DOCK2: variants seen among roughly 807,000 people sequenced by gnomAD.
DOCK2 encodes dedicator of cytokinesis 2.
A neutral mutation model predicts 248.9 loss-of-function variants in DOCK2; 87 were observed. The observed-to-expected ratio is 0.35, with a 90% CI of 0.29 to 0.42. The LOEUF is 0.42. DOCK2 is among the 10% of genes least tolerant of loss of function. DOCK2 has a pLI of 1.00. For missense variants in DOCK2, 1,747 were observed against 2,300.2 expected (o/e 0.76, Z 4.92); for synonymous variants, 805 against 821.6 (o/e 0.98, Z 0.35).
intron 27 of DOCK2, among the ~76,000 whole-genome samples, chr5:169,861,432 C>T (rs1224778129): frequency 6.6e-6 from 1 of 152,162 alleles, no homozygotes; most frequent in Non-Finnish European, 1.5e-5. Flanking sequence ...GTATTAAGTT[C>T]CAAGGATAGT....
intron 43 of DOCK2, 53 bp downstream of exon 43, chr5:170,056,821 GAGCATGC>G (rs1757147495): frequency 6.5e-7 from 1 of 1,531,550 alleles, no homozygotes; most frequent in African/African-American, 1.4e-5. Flanking sequence ...GGAGGAACCA[GAGCATGC>G]ATCGGCCAGC....
Position 169,714,105 on chromosome 5 carries a change from G to A in DOCK2, c.1737G>A (p.Gly579=). The change falls in exon 18 of 52, where the codon GGG becomes GGA. Residue 579 remains glycine (G), a synonymous_variant. Transcript: ENST00000520908. ...ATCGACACCATGTGGAAAACAAGGG[G>A]GCCACGCTGAGCAGGAGCTCCAGCA... The part of the protein sequence containing the change: ...PSYRHHVENK[G]ATLSRSSSSV... 1 of 1,613,782 alleles carries A rather than the reference G, an allele frequency of 6.2e-7. No homozygotes were observed. The highest frequency in any genetic ancestry group is 1.1e-5 in the South Asian group (1 of 91,014).
intron 27 of DOCK2, among the ~76,000 whole-genome samples, chr5:169,924,856 G>C (rs555921716): frequency 1.3e-5 from 2 of 152,254 alleles, no homozygotes; most frequent in East Asian, 1.9e-4. Flanking sequence ...TTGAGCTGCA[G>C]TTTTTCAATT....
rs150106853 is a variant in DOCK2, at chr5:169,639,943, C to G, written c.43+2574C>G. On this transcript the variant is annotated intron_variant, in intron 1 of 51. Coordinates refer to ENST00000520908, the MANE Select transcript of DOCK2 (RefSeq NM_004946.3). Reference sequence around the variant, plus strand: ...TCTCACAGTTCTCGAGGCTGGAAGTCTAAGATCAAAGCACCACCAGGGTTG... The same window carrying G: ...TCTCACAGTTCTCGAGGCTGGAAGTGTAAGATCAAAGCACCACCAGGGTTG... Among the ~76,000 whole-genome samples, 4 of 152,350 alleles carry G rather than the reference C, an allele frequency of 2.6e-5. No homozygotes were observed. The East Asian group carries it at 7.7e-4, about 29-fold the overall frequency.
chr5:170,069,085 T>G (rs1757591860), intron 45 of DOCK2, 52 bp from the exon 46 acceptor site: 1 of 1,539,352 alleles, frequency 6.5e-7, no homozygotes, highest in African/African-American at 1.4e-5. Flanking sequence ...AGAGATTGGC[T>G]GTGAAATGCC....
chr5:169,966,241 T>C (rs1017441676), intron 27 of DOCK2, among the ~76,000 whole-genome samples: 4 of 152,120 alleles, frequency 2.6e-5, no homozygotes, highest in African/African-American at 9.7e-5. Flanking sequence ...GGTTGGTTGC[T>C]TCATAACAAA....
chr5:170,062,369 A>G (rs1261432409), intron 44 of DOCK2, among the ~76,000 whole-genome samples: 1 of 152,124 alleles, frequency 6.6e-6, no homozygotes, highest in Admixed American at 6.5e-5. Flanking sequence ...TCATGGATCA[A>G]TTCCCTCTGA....
chr5:169,879,462 T>A (rs917678529), intron 27 of DOCK2, among the ~76,000 whole-genome samples: 3 of 152,214 alleles, frequency 2.0e-5, no homozygotes, highest in African/African-American at 7.2e-5. Context: ...TCCCTTGCAA[T>A]GGCTTAGATA....
chr5:169,929,613 C>T (rs1775644773), intron 27 of DOCK2, among the ~76,000 whole-genome samples: 1 of 151,928 alleles, frequency 6.6e-6, no homozygotes, highest in East Asian at 1.9e-4. Flanking sequence ...TGTGGTGGCA[C>T]ATGCCTGTAG....
chr5:169,774,588 C>T (rs1047347526), intron 25 of DOCK2, among the ~76,000 whole-genome samples: 8 of 152,234 alleles, frequency 5.3e-5, no homozygotes, highest in South Asian at 4.1e-4. Flanking sequence ...CAGGAGCTTA[C>T]GATTGGAGAA....
intron 27 of DOCK2, among the ~76,000 whole-genome samples, chr5:169,928,455 C>A (rs1285367891): frequency 6.6e-6 from 1 of 152,234 alleles, no homozygotes; most frequent in Non-Finnish European, 1.5e-5. Flanking sequence ...TTAGTTCTAC[C>A]AGAGCCAGCC....
At chr5:170,077,921 A>C in intron 48 of DOCK2, 84 bp downstream of exon 48, 1 of 1,145,492 alleles carries the variant, frequency 8.7e-7, no homozygotes, top group Non-Finnish European at 1.3e-6. Context: ...CTCCGGCAAC[A>C]TCCCTTCTAC....
At chr5:169,679,784 G>A (rs1759551228) in intron 6 of DOCK2, among the ~76,000 whole-genome samples, 1 of 152,198 alleles carries the variant, frequency 6.6e-6, no homozygotes, top group African/African-American at 2.4e-5. Context: ...GGACAAATGG[G>A]TGAACCTTGG....
chr5:169,793,380 G>A (rs1320090479), intron 25 of DOCK2, among the ~76,000 whole-genome samples: 1 of 152,154 alleles, frequency 6.6e-6, no homozygotes, highest in Non-Finnish European at 1.5e-5. Context: ...TAAGGAAGCA[G>A]GATAGTTTAA....
intron 1 of DOCK2, among the ~76,000 whole-genome samples, chr5:169,649,923 T>TC (rs1757707110): frequency 1.3e-5 from 2 of 151,846 alleles, no homozygotes; most frequent in African/African-American, 4.8e-5. Flanking sequence ...CCTGCCTCAG[T>TC]CCCCCGAGTA....
At chr5:169,991,881 G>C (rs561127735) in intron 29 of DOCK2, among the ~76,000 whole-genome samples, 1 of 152,298 alleles carries the variant, frequency 6.6e-6, no homozygotes, top group African/African-American at 2.4e-5. Flanking sequence ...TATGTTTAAT[G>C]GGTATAACAG....
chr5:169,707,226 T>C (rs1473826650), intron 14 of DOCK2, among the ~76,000 whole-genome samples: 1 of 152,202 alleles, frequency 6.6e-6, no homozygotes, highest in Non-Finnish European at 1.5e-5. Flanking sequence ...CAGGAGGTCA[T>C]TCCTTGTGAG....
chr5:169,706,111 C>A (rs898631939), intron 14 of DOCK2, among the ~76,000 whole-genome samples: 1 of 152,254 alleles, frequency 6.6e-6, no homozygotes, highest in Non-Finnish European at 1.5e-5. Flanking sequence ...AGGCCTATGG[C>A]ACTATCTTTG....
intron 27 of DOCK2, among the ~76,000 whole-genome samples, chr5:169,889,872 G>C (rs1310813412): frequency 6.6e-6 from 1 of 152,232 alleles, no homozygotes; most frequent in South Asian, 2.1e-4. Flanking sequence ...GGTGGTTTTT[G>C]AGCAGGAGGC....
Sources: gnomAD v4.1 joint callset for allele counts (sites outside exome capture counted in the v4.1 genomes callset) on GRCh38, gnomAD v4.1.1 for gene constraint, MANE v1.5 for transcripts, NCBI Gene and HGNC (gene_info 2026-07-23, HGNC 2026-07-21) for gene names.